SEZ6L: variants seen among roughly 807,000 people sequenced by gnomAD.
SEZ6L encodes the protein seizure 6-like protein.
In SEZ6L, 37 loss-of-function variants were observed where a neutral mutation model predicts 106.2. The observed-to-expected ratio is 0.35, with a 90% CI of 0.27 to 0.46. The LOEUF (loss-of-function observed/expected upper bound fraction) is 0.46. SEZ6L is among the 20% of genes least tolerant of loss of function. The probability of loss-of-function intolerance (pLI) is 1.00; values close to 1 mark genes in which losing one functional copy is unlikely to be tolerated. For missense variants in SEZ6L, 1,172 were observed against 1,332.8 expected, an observed-to-expected ratio of 0.88 and a Z score of 1.88; for synonymous variants, 541 against 570.4, an observed-to-expected ratio of 0.95 and a Z score of 0.73.
At chr22:26,230,756 T>C (rs1252587847) in intron 1 of SEZ6L, among the ~76,000 whole-genome samples, 1 of 152,178 alleles carries the variant, frequency 6.6e-6, no homozygotes, top group Non-Finnish European at 1.5e-5. Flanking sequence ...GGGAGAATGT[T>C]CTGGGAAGAG....
rs1051935024 is a variant in SEZ6L at position 26,294,315 on chromosome 22, A to C, written c.859A>C (p.Asn287His). Residue 287 changes from asparagine to histidine, a missense_variant, in exon 3 of 17, where the codon AAT becomes CAT. By Grantham distance (68) the Asn-to-His change is moderately conservative (BLOSUM62 1). This residue lies in a region of SEZ6L where 494 missense variants were observed against 445.8 expected (regional missense o/e 1.11). Transcript: ENST00000248933. ...APALCSVSFS[N>H]PEGYIDSSDY... ...AGCTCTCTGCAGTGTGAGCTTCTCCAATCCTGAGGGGTACATTGACTCCAG... is the reference window on the plus strand; with the variant it reads ...AGCTCTCTGCAGTGTGAGCTTCTCCCATCCTGAGGGGTACATTGACTCCAG... The C allele has an allele frequency of 4.3e-6, 7 of 1,614,062 alleles. No individual in the cohort carries two copies. Among genetic ancestry groups the C allele is most frequent in the Non-Finnish European group, 5.9e-6 (7 of 1,180,008 alleles).
At chr22:26,253,239 G>A (rs1418153907) in intron 1 of SEZ6L, among the ~76,000 whole-genome samples, 1 of 152,144 alleles carries the variant, frequency 6.6e-6, no homozygotes, top group Non-Finnish European at 1.5e-5. Flanking sequence ...TTGACCACCA[G>A]GATACCCTTT....
chr22:26,221,796 C>A (rs2078481797), intron 1 of SEZ6L, among the ~76,000 whole-genome samples: 1 of 151,810 alleles, frequency 6.6e-6, no homozygotes, highest in Non-Finnish European at 1.5e-5. Context: ...GACTGGATGA[C>A]CAGAATGCTT....
chr22:26,341,789 C>A (rs2082845730), intron 10 of SEZ6L, among the ~76,000 whole-genome samples: 1 of 152,188 alleles, frequency 6.6e-6, no homozygotes, highest in South Asian at 2.1e-4. Context: ...CATATCCAAT[C>A]CATCCTCTCA....
intron 12 of SEZ6L, among the ~76,000 whole-genome samples, chr22:26,357,278 CCT>C (rs1346176420): frequency 6.6e-6 from 1 of 152,138 alleles, no homozygotes; most frequent in African/African-American, 2.4e-5. Context: ...CACAGCACCC[CCT>C]GTGAGTTCCT....
chr22:26,282,719 A>G (rs1158937996), intron 1 of SEZ6L, among the ~76,000 whole-genome samples: 1 of 152,228 alleles, frequency 6.6e-6, no homozygotes, highest in African/African-American at 2.4e-5. Flanking sequence ...CCGTGCCAGT[A>G]TCCAGCTGCC....
intron 10 of SEZ6L, among the ~76,000 whole-genome samples, chr22:26,342,049 C>G (rs2082853604): frequency 6.6e-6 from 1 of 152,190 alleles, no homozygotes; most frequent in Non-Finnish European, 1.5e-5. Flanking sequence ...AGCTCCAATC[C>G]ATGCTTCCTC....
At chr22:26,354,701 A>T (rs189833878) in intron 12 of SEZ6L, among the ~76,000 whole-genome samples, 3 of 152,240 alleles carry the variant, frequency 2.0e-5, no homozygotes, top group Non-Finnish European at 4.4e-5. Flanking sequence ...CACTTCACCA[A>T]TGAGACCCAG....
chr22:26,277,052 A>G (rs1402911909), intron 1 of SEZ6L, among the ~76,000 whole-genome samples: 1 of 152,024 alleles, frequency 6.6e-6, no homozygotes, highest in African/African-American at 2.4e-5. Flanking sequence ...GGGAGAAGCC[A>G]GCTCACAGAA....
rs559486745 is a variant in SEZ6L at position 26,259,161 on chromosome 22, G to T, written c.95-33245G>T. The stretch of plus-strand genomic sequence containing the variant: ...CTAGGACTACCACAATAGCTGAAAA[G>T]AGAAGAAAAATATTTTTCATCCCAA... On this transcript the variant is annotated intron_variant, in intron 1 of 16. Coordinates refer to ENST00000248933, the MANE Select transcript of SEZ6L (RefSeq NM_021115.5). Among the ~76,000 whole-genome samples, 106 of 152,274 alleles carry T rather than the reference G, an allele frequency of 7.0e-4. 5 individuals are homozygous for T. In the South Asian group the frequency reaches 0.021, roughly 31 times the overall value.
At chr22:26,303,736 C>T (rs1174202091) in intron 5 of SEZ6L, among the ~76,000 whole-genome samples, 1 of 152,156 alleles carries the variant, frequency 6.6e-6, no homozygotes, top group African/African-American at 2.4e-5. Context: ...AGCAAACAAA[C>T]AAAAAGTAGT....
intron 1 of SEZ6L, among the ~76,000 whole-genome samples, chr22:26,288,605 A>C (rs1009660980): frequency 6.6e-6 from 1 of 152,238 alleles, no homozygotes; most frequent in Non-Finnish European, 1.5e-5. Flanking sequence ...AAAGTGATTT[A>C]ACATCCCAAA....
rs59976476 is a variant in SEZ6L, at chr22:26,338,251, T to C, written c.2016-2185T>C. 2.2e-3 allele frequency among the ~76,000 whole-genome samples: 339 copies of C among 152,332 alleles called. 10 individuals are homozygous for C. In the East Asian group the frequency reaches 0.057, roughly 26 times the overall value. On this transcript the variant is annotated intron_variant, in intron 9 of 16. Coordinates refer to ENST00000248933, the MANE Select transcript of SEZ6L (RefSeq NM_021115.5). ...GTTGAAGCTTGGCTCTTTAAGCCCTTCATGATCTAATCCCTGCAGAACTCT... is the reference window on the plus strand; with the variant it reads ...GTTGAAGCTTGGCTCTTTAAGCCCTCCATGATCTAATCCCTGCAGAACTCT...
At chr22:26,278,851 GAAGAA>G (rs777804126) in intron 1 of SEZ6L, among the ~76,000 whole-genome samples, 6 of 142,152 alleles carry the variant, frequency 4.2e-5, no homozygotes, top group African/African-American at 7.9e-5. Flanking sequence ...AGGAAAGAAA[GAAGAA>G]AAGAAAAGAA....
intron 12 of SEZ6L, among the ~76,000 whole-genome samples, chr22:26,357,223 C>G (rs1374874609): frequency 1.3e-5 from 2 of 152,120 alleles, no homozygotes; most frequent in Non-Finnish European, 2.9e-5. Context: ...GGGATTACAG[C>G]CATGCGCCAC....
intron 10 of SEZ6L, among the ~76,000 whole-genome samples, chr22:26,347,352 A>C (rs2083042127): frequency 6.6e-6 from 1 of 152,322 alleles, no homozygotes; most frequent in East Asian, 1.9e-4. Context: ...CAGCGGCCAC[A>C]GTGAGACAGG....
rs182252002 is a variant in SEZ6L at position 26,261,559 on chromosome 22, A to G, written c.95-30847A>G. ...ATTGACCACTTACTGTACTGCATGG[A>G]TTCAGGAAACAGAGGGTATAGAGAT... On this transcript the variant is annotated intron_variant, in intron 1 of 16. Coordinates refer to ENST00000248933, the MANE Select transcript of SEZ6L (RefSeq NM_021115.5). Among the ~76,000 whole-genome samples the G allele has an allele frequency of 1.3e-4, 20 of 152,306 alleles. No individual in the cohort carries two copies. In the East Asian group the frequency reaches 3.7e-3, roughly 28 times the overall value.
chr22:26,373,473 T>C lies in SEZ6L; in HGVS notation c.2817T>C (p.His939=), dbSNP rs778603948. 2 of 1,600,002 alleles carry C rather than the reference T, an allele frequency of 1.3e-6. No individual in the cohort carries two copies. The highest frequency in any genetic ancestry group is 1.7e-6 in the Non-Finnish European group (2 of 1,175,100). ...VCKVNQDSFE[H]ALEVAEAAAE... The stretch of plus-strand genomic sequence containing the variant: ...CAGTTAATCAAGACAGTTTTGAACA[T>C]GCTTTAGAAGGTGAGTTCCAGAACG... The change falls in exon 14 of 17, where the codon CAT becomes CAC. Residue 939 remains histidine, a synonymous_variant. Coordinates refer to ENST00000248933, the MANE Select transcript of SEZ6L (RefSeq NM_021115.5).
At chr22:26,321,864 G>A (rs965406509) in intron 9 of SEZ6L, among the ~76,000 whole-genome samples, 10 of 152,076 alleles carry the variant, frequency 6.6e-5, no homozygotes, top group African/African-American at 1.9e-4. Context: ...GAATGAGGAC[G>A]TAAGCCACAT....
Sources: allele counts gnomAD v4.1 joint callset (sites outside exome capture counted in the v4.1 genomes callset), GRCh38; gene constraint gnomAD v4.1.1; regional missense constraint gnomAD v4.1.1; transcripts MANE v1.5; gene names NCBI Gene and HGNC (gene_info 2026-07-23, HGNC 2026-07-21).